Variants in FANCI observed in about 807,000 individuals in gnomAD.
FANCI encodes the protein Fanconi anemia group I protein.
Under a neutral mutation model 176.1 loss-of-function variants are expected in FANCI, and 156 were observed. That is an observed-to-expected ratio of 0.89 (90% CI 0.78 to 1.01). The LOEUF is 1.01. FANCI is among the 50% of genes least tolerant of loss of function. The probability of loss-of-function intolerance (pLI) is 0.00; values close to 1 mark genes in which losing one functional copy is unlikely to be tolerated. For missense variants in FANCI, 1,678 were observed against 1,534.1 expected, an observed-to-expected ratio of 1.09 and a Z score of -1.57; for synonymous variants, 613 against 541.7, an observed-to-expected ratio of 1.13 and a Z score of -1.83.
chr15:89,268,791 C>A (rs1009430306), intron 10 of FANCI, among the ~76,000 whole-genome samples: 1 of 151,456 alleles, frequency 6.6e-6, no homozygotes, highest in Admixed American at 6.6e-5. Flanking sequence ...AAAGTTCTAA[C>A]GCAAAAAAGT....
rs775048930 is a variant in FANCI at position 89,316,820 on chromosome 15, C to T, written c.*361C>T. On this transcript the variant is annotated 3_prime_UTR_variant, in exon 38 of 38. Coordinates refer to ENST00000310775, the MANE Select transcript of FANCI (RefSeq NM_001113378.2). ...GTTCAATTATCTGGTAAATATCCAGCGCTTCACCTGAAAGATAGTGCAAAT... is the reference window on the plus strand; with the variant it reads ...GTTCAATTATCTGGTAAATATCCAGTGCTTCACCTGAAAGATAGTGCAAAT... 60 of 1,613,160 alleles carry T rather than the reference C, an allele frequency of 3.7e-5. No individual in the cohort carries two copies. In the Middle Eastern group the frequency reaches 4.9e-4, roughly 13 times the overall value.
chr15:89,280,602 T>C (rs1055226015), intron 14 of FANCI, among the ~76,000 whole-genome samples: 18 of 152,180 alleles, frequency 1.2e-4, no homozygotes, highest in Admixed American at 1.1e-3. Flanking sequence ...TCCTAATATA[T>C]ACCAACTCAT....
intron 19 of FANCI, 105 bp downstream of exon 19, chr15:89,290,386 C>T (rs1262264857): frequency 9.1e-6 from 8 of 882,578 alleles, no homozygotes; most frequent in Non-Finnish European, 1.3e-5. Context: ...CCAACTAGTA[C>T]ATTAGTACTT....
chr15:89,308,613 A>G (rs745750788), intron 34 of FANCI, among the ~76,000 whole-genome samples: 3 of 152,174 alleles, frequency 2.0e-5, no homozygotes, highest in African/African-American at 4.8e-5. Context: ...AACTTGCCTC[A>G]TTATGTGTAT....
At position 89,266,996 on chromosome 15, in the gene FANCI, G is replaced by A. The variant is rs2052989777; in HGVS notation, c.756-1403G>A. The stretch of plus-strand genomic sequence containing the variant: ...TGGAAGGGACTAAAGCCAAGAGACT[G>A]GATGGGATTATCAAGGGAAAGCATG... On this transcript the variant is annotated intron_variant, in intron 9 of 37. Transcript: ENST00000310775. Among the ~76,000 whole-genome samples the A allele has an allele frequency of 2.0e-5, 3 of 151,884 alleles. No individual in the cohort carries two copies. The East Asian group carries it at 5.8e-4, about 29-fold the overall frequency.
At chr15:89,307,362 A>G (rs886683396) in intron 32 of FANCI, 114 bp from the exon 33 acceptor site, 35 of 1,013,468 alleles carry the variant, frequency 3.5e-5, no homozygotes, top group Non-Finnish European at 4.7e-5. Context: ...TTCTCTGTGA[A>G]TTTTGTTTTT....
chr15:89,315,852 C>T (rs1159541462), intron 37 of FANCI, among the ~76,000 whole-genome samples: 1 of 152,198 alleles, frequency 6.6e-6, no homozygotes, highest in East Asian at 1.9e-4. Flanking sequence ...GACAGTACCG[C>T]ATCCCCATCC....
chr15:89,267,885 C>T (rs1441769454), intron 9 of FANCI, among the ~76,000 whole-genome samples: 1 of 152,138 alleles, frequency 6.6e-6, no homozygotes, highest in Non-Finnish European at 1.5e-5. Context: ...TATGATCATG[C>T]CATTGCACAC....
intron 2 of FANCI, among the ~76,000 whole-genome samples, chr15:89,248,302 A>C (rs1337852606): frequency 6.6e-6 from 1 of 152,208 alleles, no homozygotes. Flanking sequence ...ATCTCATCCT[A>C]TCCAGGTCCC....
At chr15:89,278,817 T>G in intron 14 of FANCI, 43 bp downstream of exon 14, 1 of 1,503,632 alleles carries the variant, frequency 6.7e-7, no homozygotes, top group Non-Finnish European at 9.2e-7. Flanking sequence ...TAGAAATATT[T>G]TCATTTCAAT....
At chr15:89,299,618 A>C (rs1377734531) in intron 24 of FANCI, among the ~76,000 whole-genome samples, 182 bp from the exon 25 acceptor site, 1 of 152,238 alleles carries the variant, frequency 6.6e-6, no homozygotes, top group African/African-American at 2.4e-5. Flanking sequence ...AGAATTGACT[A>C]TCAGTGAGCA....
At chr15:89,303,165 A>C (rs747072873) in intron 27 of FANCI, among the ~76,000 whole-genome samples, 15 of 152,160 alleles carry the variant, frequency 9.9e-5, no homozygotes, top group Admixed American at 2.0e-4. Flanking sequence ...TTTTAATATC[A>C]GTTTGTAGAG....
Position 89,312,886 on chromosome 15 carries a change from G to A in FANCI, c.3652-18G>A. ...GAAAAATCATCAGGAATAAGAGAAT[G>A]TGTTTCTATTTCTTTAGAATAAGAG... On this transcript the variant is annotated intron_variant, in intron 34 of 37. Transcript: ENST00000310775. 1 of 1,577,508 alleles carries A rather than the reference G, an allele frequency of 6.3e-7. No homozygotes were observed. The highest frequency in any genetic ancestry group is 8.7e-7 in the Non-Finnish European group (1 of 1,147,456).
rs1414995711 is a variant in FANCI at position 89,260,761 on chromosome 15, A to G, written c.206A>G (p.Tyr69Cys). Residue 69 changes from tyrosine (Y) to cysteine (C), a missense_variant, in exon 4 of 38, where the codon TAC (tyrosine) becomes TGC (cysteine). Physicochemically the swap from Tyr to Cys is radical, Grantham distance 194 (BLOSUM62 -2). Around this residue, in one of 3 missense-constraint regions of FANCI, gnomAD observed 469 missense variants for 436.9 expected, o/e 1.07. Coordinates refer to ENST00000310775, the MANE Select transcript of FANCI (RefSeq NM_001113378.2). ...GGAACACTTAGGAGACGTAAGATAT[A>G]CACTTGTTGTATCCAGTTGGTGGAA... ...EAGTLRRRKIYTCCIQLVESG... is the reference protein window; with the variant it reads ...EAGTLRRRKICTCCIQLVESG... 6.2e-6 allele frequency: 10 copies of G among 1,613,970 alleles called. No individual in the cohort carries two copies. The African/African-American group carries it at 1.3e-4, about 22-fold the overall frequency.
chr15:89,273,221 T>C (rs2053265568), intron 10 of FANCI, among the ~76,000 whole-genome samples, 156 bp from the exon 11 acceptor site: 1 of 151,272 alleles, frequency 6.6e-6, no homozygotes, highest in South Asian at 2.1e-4. Flanking sequence ...GGAGGATCCG[T>C]TGAGCCTGGG....
At chr15:89,263,780 T>C in intron 7 of FANCI, 123 bp from the exon 8 acceptor site, 1 of 1,166,724 alleles carries the variant, frequency 8.6e-7, no homozygotes, top group Non-Finnish European at 1.2e-6. Flanking sequence ...AATTCTCTGC[T>C]CCCAAGTTTC....
chr15:89,274,122 T>TTTTA, intron 11 of FANCI, 46 bp from the exon 12 acceptor site: 2 of 1,390,146 alleles, frequency 1.4e-6, no homozygotes, highest in Non-Finnish European at 2.0e-6. Context: ...GTGCTTGATC[T>TTTTA]TTTATTTATT....
At chr15:89,293,224 G>C (rs1000536229) in intron 22 of FANCI, among the ~76,000 whole-genome samples, 161 bp downstream of exon 22, 1 of 152,152 alleles carries the variant, frequency 6.6e-6, no homozygotes, top group African/African-American at 2.4e-5. Flanking sequence ...CTTTCCACTA[G>C]AGAGCGCTGA....
intron 34 of FANCI, among the ~76,000 whole-genome samples, chr15:89,310,881 T>C (rs572990504): frequency 1.1e-4 from 17 of 152,232 alleles, no homozygotes; most frequent in Non-Finnish European, 2.1e-4. Context: ...TCCCAGCACT[T>C]TGGGAGGCCG....
Sources: gnomAD v4.1 joint callset for allele counts (sites outside exome capture counted in the v4.1 genomes callset) on GRCh38, gnomAD v4.1.1 for gene constraint, gnomAD v4.1.1 regional missense constraint, MANE v1.5 for transcripts, NCBI Gene and HGNC (gene_info 2026-07-23, HGNC 2026-07-21) for gene names.